The following MASP1 variants were observed in gnomAD, a reference collection of about 807,000 sequenced individuals.
MASP1 encodes the protein MBL associated serine protease 1, also known as mannan-binding lectin serine protease 1.
In MASP1, 59 loss-of-function variants were observed where a neutral mutation model predicts 77.1. That is an observed-to-expected ratio of 0.77 (90% CI 0.62 to 0.95). MASP1 has a LOEUF of 0.95. MASP1 is among the 40% of genes least tolerant of loss of function. MASP1 has a pLI of 0.00. For synonymous variants in MASP1, 362 were observed against 354.5 expected (o/e 1.02, Z -0.24); for missense variants, 885 against 912.9 (o/e 0.97, Z 0.39).
At position 187,251,617 on chromosome 3, in the gene MASP1, C is replaced by A. The variant is rs368560662; in HGVS notation, c.1011+17G>T. The A allele has an allele frequency of 1.9e-5, 30 of 1,608,070 alleles. No individual in the cohort carries two copies. In the African/African-American group the frequency reaches 3.7e-4, roughly 20 times the overall value. On this transcript the variant is annotated intron_variant, in intron 7 of 10. Transcript: ENST00000296280. The stretch of plus-strand genomic sequence containing the variant: ...CTGTGGCCTGGTCACTCCCCTTTCC[C>A]AGGCAAGGCTCTGCACCTTCAGCAC...
At chr3:187,269,494 GA>G (rs1248039976) in intron 2 of MASP1, among the ~76,000 whole-genome samples, 9 of 152,124 alleles carry the variant, frequency 5.9e-5, no homozygotes, top group Admixed American at 5.9e-4. Flanking sequence ...TTACAGAAAG[GA>G]AAGAATGTCT....
chr3:187,291,649 C>G lies in MASP1; in HGVS notation c.-17G>C. 6.2e-7 allele frequency: 1 copy of G among 1,614,220 alleles called. No individual in the cohort carries two copies. The highest frequency in any genetic ancestry group is 1.1e-5 in the South Asian group (1 of 91,090). On this transcript the variant is annotated 5_prime_UTR_variant, in exon 1 of 11. Transcript: ENST00000296280. ...GTACCTCATTTTCCTGCCTTGGGTG[C>G]TCCCGGCTGCCCGGCCTTGGTCCTC...
chr3:187,218,867 A>T (rs1054583221), exon 16 of MASP1: 2 of 152,302 alleles, frequency 1.3e-5, no homozygotes, highest in East Asian at 3.9e-4. Context: ...GAGGGAGTTC[A>T]GGGTGAGGCT....
At chr3:187,223,181 G>A (rs1357439840) in exon 14 of MASP1, 10 of 1,614,064 alleles carry the variant, frequency 6.2e-6, no homozygotes, top group East Asian at 2.2e-5. Flanking sequence ...AGCCGCTGAC[G>A]ATGACCATGG....
Position 187,234,437 on chromosome 3 carries a change from C to A in MASP1, c.*1247G>T. The A allele has an allele frequency of 7.8e-7, 1 of 1,286,348 alleles. No individual in the cohort carries two copies. The highest frequency in any genetic ancestry group is 1.2e-5 in the South Asian group (1 of 80,924). The allele number at this position is 1,286,348 out of a possible 1,614,324, so 79.7% of individuals were successfully genotyped here. On this transcript the variant is annotated 3_prime_UTR_variant, in exon 11 of 11. Transcript: ENST00000296280. ...AAGGAACCTGCAGGGGACCTTATGC[C>A]AGCCTGTTGCTGACGGAGAACCAGA... is the stretch of plus-strand genomic sequence containing the variant.
At position 187,236,290 on chromosome 3, in the gene MASP1, G is replaced by C. The variant is rs527527536; in HGVS notation, c.1581C>G (p.Asp527Glu). ...CTGAGCTGTTGACTGCCCCCGATTT[G>C]TCTCGCACATCATGCAAGCCCAGGT... Reference protein sequence around the residue: ...TVYLGLHDVRDKSGAVNSSAA... With the variant: ...TVYLGLHDVREKSGAVNSSAA... The change falls in exon 11 of 11, where the codon GAC (aspartate) becomes GAG (glutamate). Residue 527 changes from aspartate to glutamate, a missense_variant. Coordinates refer to ENST00000296280, the MANE Select transcript of MASP1 (RefSeq NM_139125.4). 2.4e-5 allele frequency: 38 copies of C among 1,614,260 alleles called. No homozygotes were observed. The East Asian group carries it at 7.8e-4, about 33-fold the overall frequency.
chr3:187,220,178 T>C, exon 16 of MASP1: 3 of 1,614,166 alleles, frequency 1.9e-6, no homozygotes, highest in Non-Finnish European at 2.5e-6. Context: ...CAGGACACAG[T>C]GCCCACCAGG....
At chr3:187,237,716 C>T (rs929576791) in intron 10 of MASP1, among the ~76,000 whole-genome samples, 2 of 152,270 alleles carry the variant, frequency 1.3e-5, no homozygotes, top group African/African-American at 4.8e-5. Context: ...TAAGAACATG[C>T]TTGCATGGCC....
rs145100652 is a variant in MASP1 at position 187,291,653 on chromosome 3, C to T, written c.-21G>A. On this transcript the variant is annotated 5_prime_UTR_variant, in exon 1 of 11. Coordinates refer to ENST00000296280, the MANE Select transcript of MASP1 (RefSeq NM_139125.4). The stretch of plus-strand genomic sequence containing the variant: ...CTCATTTTCCTGCCTTGGGTGCTCC[C>T]GGCTGCCCGGCCTTGGTCCTCCCAG... The T allele has an allele frequency of 2.6e-5, 42 of 1,614,200 alleles. No homozygotes were observed. The highest frequency in any genetic ancestry group is 8.8e-5 in the South Asian group (8 of 91,084).
intron 4 of MASP1, among the ~76,000 whole-genome samples, chr3:187,259,076 T>C (rs1315741100): frequency 1.3e-5 from 2 of 152,232 alleles, no homozygotes; most frequent in Non-Finnish European, 2.9e-5. Flanking sequence ...CTGCATTTAC[T>C]GCACGCGAGA....
chr3:187,230,245 A>G (rs2108507080), downstream of MASP1, among the ~76,000 whole-genome samples: 1 of 152,348 alleles, frequency 6.6e-6, no homozygotes, highest in South Asian at 2.1e-4. Context: ...AACATATTAC[A>G]GAAGAGAAAG....
At chr3:187,223,729 T>C (rs1239524027) in intron 13 of MASP1, among the ~76,000 whole-genome samples, 1 of 152,188 alleles carries the variant, frequency 6.6e-6, no homozygotes, top group Non-Finnish European at 1.5e-5. Context: ...ATGAAGTTGG[T>C]AAATCTGTGG....
intron 13 of MASP1, among the ~76,000 whole-genome samples, chr3:187,224,340 ATTTTTT>A (rs1181826969): frequency 9.8e-6 from 1 of 102,064 alleles, no homozygotes; most frequent in Non-Finnish European, 1.9e-5. Context: ...TGTGCTGAGT[ATTTTTT>A]TTTTTTTTTT....
rs1312743132 is a variant in MASP1 at position 187,291,705 on chromosome 3, G to A, written c.-73C>T. 3.8e-6 allele frequency: 6 copies of A among 1,584,454 alleles called. No individual in the cohort carries two copies. Among genetic ancestry groups the A allele is most frequent in the South Asian group, 1.1e-5 (1 of 90,396 alleles). ...TTGACTTGCCTGTGAGCTCGTGCCCGGTGTGGTGTCCGTGATGCCTTATCT... is the reference window on the plus strand; with the variant it reads ...TTGACTTGCCTGTGAGCTCGTGCCCAGTGTGGTGTCCGTGATGCCTTATCT... On this transcript the variant is annotated 5_prime_UTR_variant, in exon 1 of 11. Transcript: ENST00000296280.
rs115030884 is a variant in MASP1 at position 187,268,256 on chromosome 3, A to G, written c.238-5536T>C. On this transcript the variant is annotated intron_variant, in intron 2 of 10. Coordinates refer to ENST00000296280, the MANE Select transcript of MASP1 (RefSeq NM_139125.4). ...CAGAAATTTGGGAGGCCAAGGTGAGAGGATCACTTGAGCCCAGGAGTTCAA... is the reference window on the plus strand; with the variant it reads ...CAGAAATTTGGGAGGCCAAGGTGAGGGGATCACTTGAGCCCAGGAGTTCAA... Among the ~76,000 whole-genome samples, 813 of 152,130 alleles carry G rather than the reference A, an allele frequency of 5.3e-3. 5 individuals are homozygous for G. Among genetic ancestry groups the G allele is most frequent in the Non-Finnish European group, 8.7e-3 (589 of 67,950 alleles).
intron 6 of MASP1, among the ~76,000 whole-genome samples, chr3:187,252,019 G>A (rs185798756): frequency 4.7e-4 from 72 of 152,328 alleles, no homozygotes; most frequent in African/African-American, 1.2e-3. Flanking sequence ...AATGTTAAAT[G>A]TCATTAAATC....
At chr3:187,232,707 AACCTCAGT>A (rs1323092429), downstream of MASP1, among the ~76,000 whole-genome samples, 1 of 152,182 alleles carries the variant, frequency 6.6e-6, no homozygotes, top group African/African-American at 2.4e-5. Context: ...AATATGTCAC[AACCTCAGT>A]ACCTCAGTAC....
intron 12 of MASP1, chr3:187,226,217 T>G (rs1712416738): frequency 1.6e-6 from 1 of 619,936 alleles, no homozygotes; most frequent in Admixed American, 2.4e-5. Context: ...CTTCAATGCC[T>G]TCTCATGGTC....
rs1330782649 is a variant in MASP1, at chr3:187,235,282, A to T, written c.*402T>A. On this transcript the variant is annotated 3_prime_UTR_variant, in exon 11 of 11. Transcript: ENST00000296280. ...GTTCAATGTTAGAAACCATTTTCTA[A>T]TAGTCAGGTCCAAGCTCAGTTATAC... 7.6e-7 allele frequency: 1 copy of T among 1,309,412 alleles called. No homozygotes were observed. 81.1% of individuals were successfully genotyped at this position (1,309,412 alleles called of 1,614,324 possible). A position where few individuals can be genotyped will look rare whatever the true frequency, so the allele number is the denominator to read the frequency against.
Sources: gnomAD v4.1 joint callset for allele counts (sites outside exome capture counted in the v4.1 genomes callset) on GRCh38, gnomAD v4.1.1 for gene constraint, MANE v1.5 for transcripts, NCBI Gene and HGNC (gene_info 2026-07-23, HGNC 2026-07-21) for gene names.